Variants in KHDRBS2 observed in about 807,000 individuals in gnomAD.
KHDRBS2 encodes the protein KH RNA binding domain containing, signal transduction associated 2.
A neutral mutation model predicts 44.3 loss-of-function variants in KHDRBS2; 26 were observed. The ratio of observed to expected loss-of-function variants is 0.59; its 90% CI spans 0.43 to 0.81. KHDRBS2 has a LOEUF of 0.81. Among genes scored for constraint, KHDRBS2 ranks in the 40% least tolerant of loss-of-function variants. The pLI, the probability that KHDRBS2 is intolerant of heterozygous loss-of-function variation, is 0.00. For synonymous variants in KHDRBS2, 194 were observed against 151.1 expected, an observed-to-expected ratio of 1.28 and a Z score of -2.08; for missense variants, 476 against 433.1, an observed-to-expected ratio of 1.10 and a Z score of -0.88.
intron 1 of KHDRBS2, among the ~76,000 whole-genome samples, chr6:62,215,525 G>A (rs1398049636): frequency 1.3e-5 from 2 of 151,600 alleles, no homozygotes; most frequent in African/African-American, 2.4e-5. Flanking sequence ...AAAAGAAATA[G>A]GAGACATTGT....
At chr6:62,094,910 A>G (rs899547124) in intron 2 of KHDRBS2, among the ~76,000 whole-genome samples, 11 of 151,896 alleles carry the variant, frequency 7.2e-5, no homozygotes, top group African/African-American at 2.7e-4. Context: ...ATTCTGTTCC[A>G]TTGGTCTATG....
chr6:62,061,714 T>A (rs1284406673), intron 2 of KHDRBS2, among the ~76,000 whole-genome samples: 1 of 150,852 alleles, frequency 6.6e-6, no homozygotes. Flanking sequence ...AATCTGAACG[T>A]TGGCCTGCCT....
chr6:62,278,068 A>G (rs1468629674), intron 1 of KHDRBS2, among the ~76,000 whole-genome samples: 1 of 152,208 alleles, frequency 6.6e-6, no homozygotes, highest in East Asian at 1.9e-4. Flanking sequence ...AATTCAGTTT[A>G]TTTTATTGGA....
chr6:61,772,467 A>T (rs182417862), intron 6 of KHDRBS2, among the ~76,000 whole-genome samples: 3 of 152,274 alleles, frequency 2.0e-5, no homozygotes, highest in African/African-American at 4.8e-5. Flanking sequence ...ACAATAAAAA[A>T]TGACAAAGGG....
At chr6:61,798,309 C>T (rs532854448) in intron 6 of KHDRBS2, among the ~76,000 whole-genome samples, 4 of 152,186 alleles carry the variant, frequency 2.6e-5, no homozygotes, top group African/African-American at 9.6e-5. Context: ...GAACCTCCTG[C>T]AAGGTGAATT....
At chr6:61,585,997 GA>G in the KHDRBS2 span, among the ~76,000 whole-genome samples, 459 of 152,266 alleles carry the variant, frequency 3.0e-3, 3 homozygotes, top group African/African-American at 0.011. Flanking sequence ...TCCAGACTAT[GA>G]AGGGGAAGTT....
At chr6:61,993,135 C>T (rs1584021882) in intron 3 of KHDRBS2, among the ~76,000 whole-genome samples, 3 of 152,086 alleles carry the variant, frequency 2.0e-5, no homozygotes, top group African/African-American at 7.2e-5. Context: ...AGTGTAAAGG[C>T]AGAGTATGGG....
chr6:62,118,879 C>A (rs988927511), intron 2 of KHDRBS2, among the ~76,000 whole-genome samples: 71 of 152,270 alleles, frequency 4.7e-4, no homozygotes, highest in African/African-American at 1.7e-3. Context: ...GTCAGTTTCC[C>A]TACTTTTGAA....
intron 6 of KHDRBS2, among the ~76,000 whole-genome samples, chr6:61,837,417 GGA>G (rs1422097849): frequency 3.9e-5 from 6 of 151,904 alleles, no homozygotes; most frequent in Non-Finnish European, 2.9e-5. Context: ...TTTTACTGGA[GGA>G]GAGTGTCACA....
chr6:62,137,064 G>A (rs1019350322), intron 2 of KHDRBS2, among the ~76,000 whole-genome samples: 2 of 133,396 alleles, frequency 1.5e-5, no homozygotes, highest in Admixed American at 8.7e-5. Flanking sequence ...GCAGTGGCGC[G>A]ATCTCGGCTC....
intron 2 of KHDRBS2, among the ~76,000 whole-genome samples, chr6:62,083,608 G>A (rs1797842340): frequency 6.6e-6 from 1 of 152,120 alleles, no homozygotes; most frequent in South Asian, 2.1e-4. Flanking sequence ...CCCACATGGA[G>A]TTCTGCTCCT....
intron 6 of KHDRBS2, among the ~76,000 whole-genome samples, chr6:61,863,248 C>T (rs1313616119): frequency 7.1e-6 from 1 of 140,316 alleles, no homozygotes; most frequent in Admixed American, 7.2e-5. Context: ...ATTTGTTGAG[C>T]TTTTGAAGGG....
intron 6 of KHDRBS2, among the ~76,000 whole-genome samples, chr6:61,753,612 T>A (rs753418258): frequency 3.3e-5 from 5 of 152,104 alleles, no homozygotes; most frequent in East Asian, 3.8e-4. Flanking sequence ...TCCTTGGGGC[T>A]ATATGGAAAA....
chr6:61,902,703 C>T (rs1171442603), intron 4 of KHDRBS2, among the ~76,000 whole-genome samples: 1 of 152,084 alleles, frequency 6.6e-6, no homozygotes, highest in Non-Finnish European at 1.5e-5. Flanking sequence ...AGAGGTTTGG[C>T]TAACAGATAT....
chr6:62,259,889 A>G (rs745350237), intron 1 of KHDRBS2, among the ~76,000 whole-genome samples: 3 of 152,034 alleles, frequency 2.0e-5, no homozygotes, highest in African/African-American at 7.2e-5. Flanking sequence ...GATATGGAAA[A>G]TATGTTCAAA....
chr6:61,912,206 A>C (rs1356230139), intron 4 of KHDRBS2, among the ~76,000 whole-genome samples: 1 of 152,208 alleles, frequency 6.6e-6, no homozygotes, highest in Non-Finnish European at 1.5e-5. Flanking sequence ...AATGTAATAC[A>C]GTACAATACA....
chr6:61,974,912 C>A (rs1437129298), intron 4 of KHDRBS2, among the ~76,000 whole-genome samples: 4 of 150,218 alleles, frequency 2.7e-5, no homozygotes, highest in African/African-American at 9.8e-5. Flanking sequence ...GCCTGGGCGA[C>A]ATAGCAAGAC....
chr6:61,764,345 C>T (rs1054457454), intron 6 of KHDRBS2, among the ~76,000 whole-genome samples: 2 of 151,864 alleles, frequency 1.3e-5, no homozygotes, highest in Admixed American at 1.3e-4. Context: ...GGGTATATAC[C>T]CAGTAATGGG....
chr6:61,994,967 G>A (rs899621213), intron 3 of KHDRBS2, among the ~76,000 whole-genome samples: 1 of 152,062 alleles, frequency 6.6e-6, no homozygotes, highest in African/African-American at 2.4e-5. Context: ...CTGAGGAATA[G>A]AAAGAAAGCC....
Sources: allele counts gnomAD v4.1 joint callset (sites outside exome capture counted in the v4.1 genomes callset), GRCh38; gene constraint gnomAD v4.1.1; transcripts MANE v1.5; gene names NCBI Gene and HGNC (gene_info 2026-07-23, HGNC 2026-07-21).